The following ERC2 variants were observed in gnomAD, a reference collection of about 807,000 sequenced individuals.
ERC2 encodes ELKS/RAB6-interacting/CAST family member 2.
Under a neutral mutation model 114.8 loss-of-function variants are expected in ERC2, and 42 were observed. That is an observed-to-expected ratio of 0.37 (90% CI 0.29 to 0.47). The LOEUF (loss-of-function observed/expected upper bound fraction) is 0.47, where lower values mean the gene tolerates loss of function less well. Ranked by LOEUF, ERC2 falls within the 20% of genes least tolerant of loss-of-function variation. The pLI is 0.99. For synonymous variants in ERC2, 454 were observed against 425.5 expected, an observed-to-expected ratio of 1.07 and a Z score of -0.82; for missense variants, 939 against 1,150.7, an observed-to-expected ratio of 0.82 and a Z score of 2.66.
intron 3 of ERC2, among the ~76,000 whole-genome samples, chr3:56,294,894 T>C (rs2055329205): frequency 6.6e-6 from 1 of 152,188 alleles, no homozygotes; most frequent in Non-Finnish European, 1.5e-5. Context: ...CCAAGCATGT[T>C]GGTAAAGTAT....
chr3:56,129,566 A>G (rs1426013541), intron 6 of ERC2, among the ~76,000 whole-genome samples: 3 of 152,312 alleles, frequency 2.0e-5, no homozygotes, highest in African/African-American at 7.2e-5. Flanking sequence ...GTGGCCAGTC[A>G]GCTTCCCACA....
intron 13 of ERC2, among the ~76,000 whole-genome samples, chr3:55,948,852 C>T (rs1051964193): frequency 6.6e-6 from 1 of 152,124 alleles, no homozygotes; most frequent in African/African-American, 2.4e-5. Context: ...GTAAACAAAT[C>T]GTTTTTAATG....
intron 3 of ERC2, among the ~76,000 whole-genome samples, chr3:56,196,940 G>C (rs2048144305): frequency 6.6e-6 from 1 of 152,042 alleles, no homozygotes; most frequent in Non-Finnish European, 1.5e-5. Context: ...ACACTCTGAA[G>C]CCTTCAGAGT....
intron 15 of ERC2, among the ~76,000 whole-genome samples, chr3:55,713,457 T>C (rs763033608): frequency 6.6e-6 from 1 of 152,142 alleles, no homozygotes. Flanking sequence ...CCTCAGGTGA[T>C]TGGCCCACCT....
intron 17 of ERC2, among the ~76,000 whole-genome samples, chr3:55,608,438 T>G (rs2058738538): frequency 6.6e-6 from 1 of 152,172 alleles, no homozygotes; most frequent in Non-Finnish European, 1.5e-5. Flanking sequence ...CAGATTCAAT[T>G]GCTGACAGTT....
At chr3:55,728,576 G>T (rs527637575) in intron 15 of ERC2, among the ~76,000 whole-genome samples, 4 of 152,286 alleles carry the variant, frequency 2.6e-5, no homozygotes, top group South Asian at 4.1e-4. Flanking sequence ...GCCTGGGAAG[G>T]GTTTTCAGCA....
chr3:55,644,921 T>G (rs17055607), intron 17 of ERC2, among the ~76,000 whole-genome samples: 4 of 152,078 alleles, frequency 2.6e-5, no homozygotes, highest in Non-Finnish European at 5.9e-5. Context: ...GTGAGAGTGA[T>G]GGGTAGCTTT....
At chr3:56,421,836 C>CT (rs919539706) in intron 2 of ERC2, among the ~76,000 whole-genome samples, 14 of 151,744 alleles carry the variant, frequency 9.2e-5, no homozygotes, top group Admixed American at 2.6e-4. Context: ...CTCCTCCCCA[C>CT]TTTTTTTTTC....
At chr3:55,793,458 G>T (rs1308451393) in intron 14 of ERC2, among the ~76,000 whole-genome samples, 1 of 152,154 alleles carries the variant, frequency 6.6e-6, no homozygotes, top group Non-Finnish European at 1.5e-5. Context: ...AAGCAGAAAA[G>T]ATACTGGTTC....
At chr3:55,798,379 A>G (rs2070686817) in intron 14 of ERC2, among the ~76,000 whole-genome samples, 2 of 152,116 alleles carry the variant, frequency 1.3e-5, no homozygotes, top group African/African-American at 4.8e-5. Flanking sequence ...CGGGCAGATC[A>G]CGAGGTCAGG....
rs528551701 is a variant in ERC2 at position 56,335,014 on chromosome 3, A to G, written c.658-38579T>C. 1.1e-4 allele frequency among the ~76,000 whole-genome samples: 16 copies of G among 152,300 alleles called. No homozygotes were observed. In the East Asian group the frequency reaches 3.1e-3, roughly 29 times the overall value. ...GAGACAGGGTTTCACTACGCTGGTC[A>G]GGCTGGTCTTAAACTCCTGACCTCA... On this transcript the variant is annotated intron_variant, in intron 2 of 17. Transcript: ENST00000288221.
intron 14 of ERC2, among the ~76,000 whole-genome samples, chr3:55,771,022 C>T (rs1032118911): frequency 3.3e-5 from 5 of 152,192 alleles, no homozygotes; most frequent in South Asian, 2.1e-4. Context: ...ATATGTGCCA[C>T]ATTTTCTTTA....
At chr3:55,761,957 C>CCCCT (rs1320794927) in intron 14 of ERC2, among the ~76,000 whole-genome samples, 1 of 116,142 alleles carries the variant, frequency 8.6e-6, no homozygotes, top group African/African-American at 3.4e-5. Context: ...TCTCTCTCTC[C>CCCCT]CCCTCCCTCC....
intron 6 of ERC2, among the ~76,000 whole-genome samples, chr3:56,090,347 T>C (rs961650007): frequency 6.6e-6 from 1 of 152,210 alleles, no homozygotes; most frequent in African/African-American, 2.4e-5. Flanking sequence ...TTATAAGCAG[T>C]AACCAGAATC....
At chr3:55,649,107 CAG>C (rs1300807768) in intron 17 of ERC2, among the ~76,000 whole-genome samples, 2 of 152,120 alleles carry the variant, frequency 1.3e-5, no homozygotes, top group African/African-American at 4.8e-5. Flanking sequence ...CCAAACATTC[CAG>C]AGACACCTGC....
intron 6 of ERC2, among the ~76,000 whole-genome samples, chr3:56,109,041 G>A (rs9871223): frequency 0.17 from 26,110 of 151,854 alleles, 2,448 homozygotes; most frequent in African/African-American, 0.23. Context: ...TTTTAGATTC[G>A]AGGATACATG....
At chr3:55,656,522 G>A (rs2060875508) in intron 17 of ERC2, among the ~76,000 whole-genome samples, 1 of 152,150 alleles carries the variant, frequency 6.6e-6, no homozygotes, top group African/African-American at 2.4e-5. Flanking sequence ...GGGAGGCTCT[G>A]AAACCTTCCT....
intron 14 of ERC2, among the ~76,000 whole-genome samples, chr3:55,822,617 T>C (rs1047893826): frequency 2.7e-5 from 4 of 147,492 alleles, no homozygotes; most frequent in African/African-American, 7.6e-5. Flanking sequence ...CAGGCTGGAG[T>C]GCAGTGGCGC....
chr3:55,886,374 G>A (rs1429358026), intron 14 of ERC2, among the ~76,000 whole-genome samples: 1 of 152,126 alleles, frequency 6.6e-6, no homozygotes, highest in Non-Finnish European at 1.5e-5. Context: ...CAAAATGAAG[G>A]TGGAAGCATA....
Sources: gnomAD v4.1 joint callset for allele counts (sites outside exome capture counted in the v4.1 genomes callset) on GRCh38, gnomAD v4.1.1 for gene constraint, MANE v1.5 for transcripts, NCBI Gene and HGNC (gene_info 2026-07-23, HGNC 2026-07-21) for gene names.